The following NR3C1 variants were observed in gnomAD, a reference collection of about 807,000 sequenced individuals.
NR3C1 encodes the protein glucocorticoid receptor.
In NR3C1, 14 loss-of-function variants were observed where a neutral mutation model predicts 74.0. The observed-to-expected ratio is 0.19, with a 90% CI of 0.12 to 0.30. NR3C1 has a LOEUF of 0.30. NR3C1 is among the 10% of genes least tolerant of loss of function. NR3C1 has a pLI of 1.00. For synonymous variants in NR3C1, 308 were observed against 332.5 expected (o/e 0.93, Z 0.80); for missense variants, 695 against 909.8 (o/e 0.76, Z 3.04).
chr5:143,315,505 A>G (rs760219184), intron 2 of NR3C1, among the ~76,000 whole-genome samples: 4 of 152,170 alleles, frequency 2.6e-5, no homozygotes, highest in Non-Finnish European at 4.4e-5. Context: ...ACCTCTCTCT[A>G]AACTTTTCTT....
chr5:143,280,265 A>ACAAT lies in NR3C1; in HGVS notation c.*1620_*1623dup, dbSNP rs1371923762. On this transcript the variant is annotated 3_prime_UTR_variant, in exon 9 of 9. Transcript: ENST00000394464. ...TATTTTACACTATACAAGCTATTTT[A>ACAAT]CAATCATTTTAATAAATTGCATGTA... The ACAAT allele has an allele frequency of 1.3e-5, 2 of 152,656 alleles. No homozygotes were observed. Among genetic ancestry groups the ACAAT allele is most frequent in the Non-Finnish European group, 2.9e-5 (2 of 68,040 alleles). The allele number at this position is 152,656 out of a possible 1,614,324, so 9.5% of individuals were successfully genotyped here.
At position 143,403,467 on chromosome 5, in the gene NR3C1, C is replaced by T; in HGVS notation, c.-270G>A. 1.0e-6 allele frequency: 1 copy of T among 985,404 alleles called. No individual in the cohort carries two copies. Among genetic ancestry groups the T allele is most frequent in the Non-Finnish European group, 1.2e-6 (1 of 829,972 alleles). 61.0% of individuals were successfully genotyped at this position (985,404 alleles called of 1,614,324 possible). A position where few individuals can be genotyped will look rare whatever the true frequency, so the allele number is the denominator to read the frequency against. ...GGGTCGAGGTTCCGGGCGCGCGTGC[C>T]CCGTCCCGGTCCCAGCTGCTTCGGC... On this transcript the variant is annotated 5_prime_UTR_variant, in exon 1 of 9. Coordinates refer to ENST00000394464, the MANE Select transcript of NR3C1 (RefSeq NM_000176.3).
At chr5:143,294,022 A>G (rs1205546190) in intron 7 of NR3C1, 1 of 985,396 alleles carries the variant, frequency 1.0e-6, no homozygotes, top group African/African-American at 1.7e-5. Context: ...GTCTCTAGCA[A>G]TGATCTTTAT....
Position 143,309,733 on chromosome 5 carries a change from A to G in NR3C1, c.1468+364T>C, listed in dbSNP as rs74962650. 1.7e-3 allele frequency among the ~76,000 whole-genome samples: 253 copies of G among 152,286 alleles called. 3 individuals carry two copies. In the East Asian group the frequency reaches 0.037, roughly 22 times the overall value. On this transcript the variant is annotated intron_variant, in intron 4 of 8. Transcript: ENST00000394464. ...GGCAAACAGAAAAATGGACATGTAA[A>G]TATGTCTGATACAGAAACATTTCCA...
intron 7 of NR3C1, chr5:143,294,997 CTA>C: frequency 1.9e-5 from 19 of 985,404 alleles, no homozygotes; most frequent in Non-Finnish European, 2.3e-5. Flanking sequence ...AGCTCCCATG[CTA>C]TGTTAACCAA....
At chr5:143,362,117 T>C (rs558275335) in intron 2 of NR3C1, among the ~76,000 whole-genome samples, 10 of 152,298 alleles carry the variant, frequency 6.6e-5, no homozygotes, top group South Asian at 4.1e-4. Context: ...ACTGTCAAAC[T>C]GAACTTTTTC....
chr5:143,407,262 C>G (rs1189214722), upstream of NR3C1: 2 of 152,186 alleles, frequency 1.3e-5, no homozygotes, highest in Non-Finnish European at 2.9e-5. Context: ...AACTAGTTAA[C>G]TAGATGTAAA....
At position 143,400,609 on chromosome 5, in the gene NR3C1, A is replaced by G; in HGVS notation, c.231T>C (p.Asp77=). ...KGSVSNAQQP[D]LSKAVSLSMG... ...TTGAGAGTGAAACTGCTTTGGACAGATCTGGCTGCTGCGCATTGCTTACTG... is the reference window on the plus strand; with the variant it reads ...TTGAGAGTGAAACTGCTTTGGACAGGTCTGGCTGCTGCGCATTGCTTACTG... Residue 77 remains aspartate (D), a synonymous_variant, in exon 2 of 9, where the codon GAT becomes GAC. Coordinates refer to ENST00000394464, the MANE Select transcript of NR3C1 (RefSeq NM_000176.3). 6.2e-7 allele frequency: 1 copy of G among 1,614,236 alleles called. No homozygotes were observed. The highest frequency in any genetic ancestry group is 8.5e-7 in the Non-Finnish European group (1 of 1,180,044).
chr5:143,328,032 G>T (rs768699444), intron 2 of NR3C1, among the ~76,000 whole-genome samples: 2 of 152,232 alleles, frequency 1.3e-5, no homozygotes, highest in African/African-American at 4.8e-5. Context: ...GGTTCTCCAT[G>T]AAGGCTCTGC....
chr5:143,301,592 T>C (rs1034383531), intron 4 of NR3C1, among the ~76,000 whole-genome samples: 5 of 152,136 alleles, frequency 3.3e-5, no homozygotes, highest in Non-Finnish European at 5.9e-5. Context: ...CTGTAGACTT[T>C]TTAGTAGACT....
At chr5:143,337,061 G>C (rs1827290669) in intron 2 of NR3C1, among the ~76,000 whole-genome samples, 1 of 151,762 alleles carries the variant, frequency 6.6e-6, no homozygotes, top group African/African-American at 2.4e-5. Flanking sequence ...CTCCTTAAAA[G>C]CACCATCAAG....
chr5:143,320,757 T>C (rs1269544510), intron 2 of NR3C1, among the ~76,000 whole-genome samples: 1 of 152,226 alleles, frequency 6.6e-6, no homozygotes, highest in Non-Finnish European at 1.5e-5. Context: ...TTGGAAGAAT[T>C]AATCCAGTTT....
Position 143,281,766 on chromosome 5 carries a change from C to T in NR3C1, c.*123G>A. ...AACCACATGTAGTGCGTATTTAAAACAAAACAACAGATGAAAACAATAAAA... is the reference window on the plus strand; with the variant it reads ...AACCACATGTAGTGCGTATTTAAAATAAAACAACAGATGAAAACAATAAAA... On this transcript the variant is annotated 3_prime_UTR_variant, in exon 9 of 9. Coordinates refer to ENST00000394464, the MANE Select transcript of NR3C1 (RefSeq NM_000176.3). 1 of 1,141,292 alleles carries T rather than the reference C, an allele frequency of 8.8e-7. No individual in the cohort carries two copies. The highest frequency in any genetic ancestry group is 1.3e-6 in the Non-Finnish European group (1 of 790,134). 70.7% of individuals were successfully genotyped at this position (1,141,292 alleles called of 1,614,324 possible). A position where few individuals can be genotyped will look rare whatever the true frequency, so the allele number is the denominator to read the frequency against.
At chr5:143,306,874 A>ATTTTTTT (rs70991802) in intron 4 of NR3C1, among the ~76,000 whole-genome samples, 10 of 82,902 alleles carry the variant, frequency 1.2e-4, no homozygotes, top group African/African-American at 3.6e-4. Context: ...GTATGCTTAA[A>ATTTTTTT]TTTTTTTTTT....
chr5:143,294,983 A>G, intron 7 of NR3C1: 2 of 985,414 alleles, frequency 2.0e-6, no homozygotes, highest in South Asian at 4.7e-5. Context: ...ATCTCTGACA[A>G]TCCAGCTCCC....
intron 1 of NR3C1, chr5:143,402,594 G>T (rs1226532451): frequency 2.2e-5 from 22 of 985,260 alleles, no homozygotes; most frequent in Non-Finnish European, 2.0e-5. Context: ...AGAGAAGTAC[G>T]TCCAGACCTG....
rs1342921091 is a variant in NR3C1 at position 143,287,405 on chromosome 5, G to A, written c.2024-4680C>T. On this transcript the variant is annotated intron_variant, in intron 7 of 8. Transcript: ENST00000394464. ...GGATTACAAACAACTTTATGCCCAAGTTAGACAACTCAGACAAAATGGCTC... is the reference window on the plus strand; with the variant it reads ...GGATTACAAACAACTTTATGCCCAAATTAGACAACTCAGACAAAATGGCTC... Among the ~76,000 whole-genome samples, 6 of 152,178 alleles carry A rather than the reference G, an allele frequency of 3.9e-5. No individual in the cohort carries two copies. In the East Asian group the frequency reaches 1.2e-3, roughly 29 times the overall value.
At chr5:143,316,775 A>G (rs909130242) in intron 2 of NR3C1, among the ~76,000 whole-genome samples, 1 of 152,148 alleles carries the variant, frequency 6.6e-6, no homozygotes, top group Admixed American at 6.5e-5. Flanking sequence ...CACTCAATAC[A>G]TGTTCCTTTT....
chr5:143,335,370 C>A (rs1826928016), intron 2 of NR3C1, among the ~76,000 whole-genome samples: 1 of 152,170 alleles, frequency 6.6e-6, no homozygotes, highest in Non-Finnish European at 1.5e-5. Context: ...AATTCATCTG[C>A]TCTAAGATTA....
Sources: gnomAD v4.1 joint callset for allele counts (sites outside exome capture counted in the v4.1 genomes callset) on GRCh38, gnomAD v4.1.1 for gene constraint, MANE v1.5 for transcripts, NCBI Gene and HGNC (gene_info 2026-07-23, HGNC 2026-07-21) for gene names.